PAAF1: variants seen among roughly 807,000 people sequenced by gnomAD.
The protein encoded by PAAF1 is proteasomal ATPase-associated factor 1.
A neutral mutation model predicts 52.8 loss-of-function variants in PAAF1; 46 were observed. That is an observed-to-expected ratio of 0.87 (90% CI 0.69 to 1.11). The LOEUF is 1.11. Among genes scored for constraint, PAAF1 ranks in the 50% most tolerant of loss-of-function variants. The probability of loss-of-function intolerance (pLI) is 0.00; values close to 1 mark genes in which losing one functional copy is unlikely to be tolerated. For synonymous variants in PAAF1, 178 were observed against 172.8 expected (o/e 1.03, Z -0.24); for missense variants, 424 against 477.4 (o/e 0.89, Z 1.04).
At chr11:73,883,866 T>TA (rs1948984546) in intron 2 of PAAF1, among the ~76,000 whole-genome samples, 1 of 152,168 alleles carries the variant, frequency 6.6e-6, no homozygotes, top group African/African-American at 2.4e-5. Flanking sequence ...GGCCCGGTAA[T>TA]ACTCTGTTGT....
chr11:73,892,016 T>C (rs1949214852), intron 4 of PAAF1, among the ~76,000 whole-genome samples: 1 of 152,042 alleles, frequency 6.6e-6, no homozygotes, highest in Admixed American at 6.6e-5. Context: ...TACTGTGTGG[T>C]ACGTTTTTTA....
intron 9 of PAAF1, among the ~76,000 whole-genome samples, chr11:73,918,352 A>ATTTTTTT (rs1157984685): frequency 1.4e-4 from 10 of 71,734 alleles, no homozygotes; most frequent in Non-Finnish European, 1.6e-4. Context: ...CAGTTACTTA[A>ATTTTTTT]TTTTTTTTTT....
intron 9 of PAAF1, among the ~76,000 whole-genome samples, chr11:73,917,424 G>A (rs1950098077): frequency 6.6e-6 from 1 of 152,214 alleles, no homozygotes; most frequent in East Asian, 1.9e-4. Context: ...TATCCAAAGA[G>A]AATCACACAA....
chr11:73,886,447 G>A (rs1006245190), intron 2 of PAAF1, among the ~76,000 whole-genome samples: 12 of 152,178 alleles, frequency 7.9e-5, no homozygotes, highest in African/African-American at 2.4e-4. Flanking sequence ...AGGCTGAGGC[G>A]AGTGGATCAC....
chr11:73,902,088 C>G (rs1199180350), intron 6 of PAAF1, among the ~76,000 whole-genome samples: 1 of 150,264 alleles, frequency 6.7e-6, no homozygotes, highest in Non-Finnish European at 1.5e-5. Context: ...TGGTCTTAAA[C>G]TGGCCTCAAG....
rs755960728 is a variant in PAAF1, at chr11:73,924,648, T to TA, written c.1053dup (p.Asp352ArgfsTer5). The TA allele has an allele frequency of 2.5e-6, 4 of 1,613,978 alleles. No individual in the cohort carries two copies. In the East Asian group the frequency reaches 6.7e-5, roughly 27 times the overall value. ...AGCTGTTTTATTGTCCAGCAAGACTTAGACTATGTCACTGAGCTCACTGGG... is the reference window on the plus strand; with the variant it reads ...AGCTGTTTTATTGTCCAGCAAGACTTAAGACTATGTCACTGAGCTCACTGGG... On this transcript the variant is annotated frameshift_variant, in exon 11 of 12. Transcript: ENST00000310571. LOFTEE classifies it high-confidence loss of function.
At chr11:73,884,009 A>G (rs1027434447) in intron 2 of PAAF1, among the ~76,000 whole-genome samples, 57 of 152,150 alleles carry the variant, frequency 3.7e-4, no homozygotes, top group African/African-American at 1.3e-3. Flanking sequence ...GGGGAATGGG[A>G]GGGGTGAAAG....
intron 2 of PAAF1, among the ~76,000 whole-genome samples, chr11:73,886,672 CAAAAAAAAAAAAAAAA>C (rs55697916): frequency 4.1e-4 from 14 of 34,284 alleles, no homozygotes; most frequent in Non-Finnish European, 6.4e-4. Flanking sequence ...GACTCCATCT[CAAAAAAAAAAAAAAAA>C]AAAAAAAAAA....
At chr11:73,909,810 A>G (rs1028664448) in intron 7 of PAAF1, among the ~76,000 whole-genome samples, 4 of 152,198 alleles carry the variant, frequency 2.6e-5, no homozygotes, top group Non-Finnish European at 5.9e-5. Context: ...AGTAAGTACA[A>G]TCTAATGTAG....
chr11:73,897,844 A>G (rs1949456882), intron 4 of PAAF1, among the ~76,000 whole-genome samples: 1 of 151,274 alleles, frequency 6.6e-6, no homozygotes, highest in South Asian at 2.1e-4. Flanking sequence ...TGGGAGGTGG[A>G]GGTTGTAGCG....
In PAAF1 at chr11:73,927,565, A is replaced by G. The variant is rs887114774; in HGVS notation, c.*203A>G. On this transcript the variant is annotated 3_prime_UTR_variant, in exon 12 of 12. Transcript: ENST00000310571. ...ACTGAGTAAGAAGGTCATTGTGCCCACTGCATTTGTTCCAACTTCTCCTTG... is the reference window on the plus strand; with the variant it reads ...ACTGAGTAAGAAGGTCATTGTGCCCGCTGCATTTGTTCCAACTTCTCCTTG... The G allele has an allele frequency of 3.4e-6, 2 of 594,032 alleles. No individual in the cohort carries two copies. The highest frequency in any genetic ancestry group is 6.0e-6 in the Non-Finnish European group (2 of 333,364). The allele number at this position is 594,032 out of a possible 1,614,324, so 36.8% of individuals were successfully genotyped here. A position where few individuals can be genotyped will look rare whatever the true frequency, so the allele number is the denominator to read the frequency against.
rs5792636 is a variant in PAAF1, at chr11:73,900,981, C to CAAA, written c.532+592_532+594dup. Among the ~76,000 whole-genome samples, 112 of 59,568 alleles carry CAAA rather than the reference C, an allele frequency of 1.9e-3. 1 individual carries two copies. The highest frequency in any genetic ancestry group is 3.4e-3 in the East Asian group (6 of 1,748). 39.1% of individuals were successfully genotyped at this position (59,568 alleles called of 152,430 possible). On this transcript the variant is annotated intron_variant, in intron 6 of 11. Coordinates refer to ENST00000310571, the MANE Select transcript of PAAF1 (RefSeq NM_025155.3). Reference sequence around the variant, plus strand: ...TGGGCGACAGAGCGAGACTCCGTCTCAAAAAAAAAAAAAAAAAAAAAAAAA... The same window carrying CAAA: ...TGGGCGACAGAGCGAGACTCCGTCTCAAAAAAAAAAAAAAAAAAAAAAAAAAAA...
intron 2 of PAAF1, among the ~76,000 whole-genome samples, chr11:73,882,480 CTT>C (rs1948941999): frequency 6.6e-6 from 1 of 151,740 alleles, no homozygotes; most frequent in Non-Finnish European, 1.5e-5. Context: ...GAGTTTCGCT[CTT>C]GTCGCCCAGG....
intron 10 of PAAF1, among the ~76,000 whole-genome samples, chr11:73,921,422 T>C (rs1440901883): frequency 2.6e-5 from 4 of 152,112 alleles, no homozygotes; most frequent in Non-Finnish European, 5.9e-5. Context: ...TAGAAATTTC[T>C]TTATTATTAC....
At chr11:73,899,602 G>A (rs1292716418) in intron 5 of PAAF1, among the ~76,000 whole-genome samples, 1 of 151,934 alleles carries the variant, frequency 6.6e-6, no homozygotes, top group Non-Finnish European at 1.5e-5. Flanking sequence ...AGTAGAGATG[G>A]GCTTTCGCCA....
At chr11:73,925,792 A>G (rs1950338297) in intron 11 of PAAF1, among the ~76,000 whole-genome samples, 1 of 152,216 alleles carries the variant, frequency 6.6e-6, no homozygotes, top group Non-Finnish European at 1.5e-5. Flanking sequence ...TAATTTAAAA[A>G]AAGTTGTACA....
Position 73,929,524 on chromosome 11 carries a change from G to A in PAAF1, c.*2162G>A, listed in dbSNP as rs143068119. On this transcript the variant is annotated 3_prime_UTR_variant, in exon 12 of 12. Transcript: ENST00000310571. ...CGAATGTTATTATTTGTTTTATTCCGATAAGGAAACTGAGACTCAATACAT... is the reference window on the plus strand; with the variant it reads ...CGAATGTTATTATTTGTTTTATTCCAATAAGGAAACTGAGACTCAATACAT... The A allele has an allele frequency of 1.2e-4, 19 of 152,216 alleles. No homozygotes were observed. Among genetic ancestry groups the A allele is most frequent in the African/African-American group, 3.1e-4 (13 of 41,540 alleles). 9.4% of individuals were successfully genotyped at this position (152,216 alleles called of 1,614,324 possible).
chr11:73,899,203 G>C lies in PAAF1; in HGVS notation c.340G>C (p.Gly114Arg), dbSNP rs374237947. 9.9e-6 allele frequency: 16 copies of C among 1,613,908 alleles called. No individual in the cohort carries two copies. Among genetic ancestry groups the C allele is most frequent in the Admixed American group, 1.7e-5 (1 of 59,988 alleles). ...TCTTGGTGTGTCTTCTAGTACTGAC[G>C]GGACCATGAAAATCTGGCAGGCTTC... ...GGLGVSSSTDGTMKIWQASNG... is the reference protein window; with the variant it reads ...GGLGVSSSTDRTMKIWQASNG... The change falls in exon 5 of 12, where the codon GGG (glycine) becomes CGG (arginine). Residue 114 changes from glycine to arginine, a missense_variant. Physicochemically the swap from Gly to Arg is moderately radical, Grantham distance 125. Transcript: ENST00000310571.
At chr11:73,921,047 C>T in intron 10 of PAAF1, among the ~76,000 whole-genome samples, 2 of 151,924 alleles carry the variant, frequency 1.3e-5, no homozygotes, top group East Asian at 3.9e-4. Context: ...CATCTGTTAT[C>T]CCAGCACTTT....
Sources: gnomAD v4.1 joint callset for allele counts (sites outside exome capture counted in the v4.1 genomes callset) on GRCh38, gnomAD v4.1.1 for gene constraint, MANE v1.5 for transcripts, NCBI Gene and HGNC (gene_info 2026-07-23, HGNC 2026-07-21) for gene names.